Variants in LTF observed in about 807,000 individuals in gnomAD.
LTF encodes the protein lactotransferrin.
A neutral mutation model predicts 87.2 loss-of-function variants in LTF; 91 were observed. The ratio of observed to expected loss-of-function variants is 1.04; its 90% CI spans 0.88 to 1.24. LTF has a LOEUF of 1.24. LTF is among the 50% of genes most tolerant of loss of function. The pLI, the probability that LTF is intolerant of heterozygous loss-of-function variation, is 0.00. For synonymous variants in LTF, 378 were observed against 356.1 expected (o/e 1.06, Z -0.69); for missense variants, 901 against 904.3 (o/e 1.00, Z 0.05).
chr3:46,439,272 C>T (rs1193865730), intron 15 of LTF, 24 bp downstream of exon 15: 7 of 1,582,176 alleles, frequency 4.4e-6, no homozygotes, highest in Non-Finnish European at 6.0e-6. Context: ...GCTAAGAAAG[C>T]ACTAGAAGCC....
chr3:46,450,746 T>A, intron 6 of LTF, 73 bp from the exon 7 acceptor site: 1 of 1,290,410 alleles, frequency 7.7e-7, no homozygotes, highest in East Asian at 2.3e-5. Flanking sequence ...ATAGTTCCCC[T>A]TCTCCCTATA....
chr3:46,455,305 C>A lies in LTF; in HGVS notation c.637G>T (p.Gly213Cys). ...GACAGGGTCACTCACTTGAAGGCACCAGAGTAGCTGAAGTACGGTTCCTGG... is the reference window on the plus strand; with the variant it reads ...GACAGGGTCACTCACTTGAAGGCACAAGAGTAGCTGAAGTACGGTTCCTGG... ...SSQEPYFSYS[G>C]AFKCLRDGAG... The change falls in exon 5 of 17, where the codon GGT becomes TGT. Residue 213 changes from glycine (G) to cysteine (C), a missense_variant. Gly to Cys is a radical substitution (Grantham distance 159). Coordinates refer to ENST00000231751, the MANE Select transcript of LTF (RefSeq NM_002343.6). The A allele has an allele frequency of 6.2e-7, 1 of 1,614,242 alleles. No homozygotes were observed. Among genetic ancestry groups the A allele is most frequent in the Non-Finnish European group, 8.5e-7 (1 of 1,180,042 alleles).
chr3:46,458,827 G>A (rs1038213226), intron 2 of LTF, among the ~76,000 whole-genome samples: 3 of 152,160 alleles, frequency 2.0e-5, no homozygotes, highest in African/African-American at 7.2e-5. Flanking sequence ...CTCCCACCTC[G>A]GCCTCCAAAG....
At position 46,450,020 on chromosome 3, in the gene LTF, A is replaced by G. The variant is rs752576149; in HGVS notation, c.891T>C (p.Phe297=). The part of the protein sequence containing the change: ...WNLLRQAQEK[F]GKDKSPKFQL... Reference sequence around the variant, plus strand: ...GGAATTTCGGTGACTTGTCCTTTCCAAACTTTTCCTAATTAAGAAAAAATA... The same window carrying G: ...GGAATTTCGGTGACTTGTCCTTTCCGAACTTTTCCTAATTAAGAAAAAATA... The change falls in exon 8 of 17, where the codon TTT becomes TTC. Residue 297 remains phenylalanine, a synonymous_variant. Transcript: ENST00000231751. The G allele has an allele frequency of 2.7e-5, 42 of 1,584,800 alleles. No individual in the cohort carries two copies. The highest frequency in any genetic ancestry group is 3.4e-5 in the Non-Finnish European group (40 of 1,168,426).
Position 46,455,445 on chromosome 3 carries a change from G to A in LTF, c.500-3C>T. 1 of 1,614,234 alleles carries A rather than the reference G, an allele frequency of 6.2e-7. No homozygotes were observed. Among genetic ancestry groups the A allele is most frequent in the Non-Finnish European group, 8.5e-7 (1 of 1,180,018 alleles). ...GGCTGAGAAGAACCTGGCCACAGCT[G>A]TTAAACACAGAGAAGTGGACCACAG... is the stretch of plus-strand genomic sequence containing the variant. On this transcript the variant is annotated splice_polypyrimidine_tract_variant and splice_region_variant and intron_variant, in intron 4 of 16. Coordinates refer to ENST00000231751, the MANE Select transcript of LTF (RefSeq NM_002343.6).
intron 10 of LTF, 109 bp from the exon 11 acceptor site, chr3:46,446,602 G>T: frequency 2.4e-6 from 2 of 842,466 alleles, no homozygotes; most frequent in Non-Finnish European, 3.9e-6. Context: ...GACCGTCCCA[G>T]CAGTTCCATG....
chr3:46,461,099 A>G (rs1331917835), intron 1 of LTF, among the ~76,000 whole-genome samples: 1 of 152,280 alleles, frequency 6.6e-6, no homozygotes, highest in South Asian at 2.1e-4. Flanking sequence ...TGAAAATGCA[A>G]CGAAATATCA....
intron 13 of LTF, chr3:46,441,935 G>GTGTA (rs1702530258): frequency 2.8e-5 from 1 of 35,424 alleles, no homozygotes; most frequent in Non-Finnish European, 5.7e-5. Flanking sequence ...GAGAGAGAGA[G>GTGTA]TGTGTGTGTG....
chr3:46,465,565 G>A (rs1703192937), upstream of LTF, among the ~76,000 whole-genome samples: 1 of 151,358 alleles, frequency 6.6e-6, no homozygotes, highest in African/African-American at 2.4e-5. Flanking sequence ...ATTTGCCAAT[G>A]AGAAAGATGC....
chr3:46,465,858 G>C (rs566177912), upstream of LTF, among the ~76,000 whole-genome samples: 1 of 152,210 alleles, frequency 6.6e-6, no homozygotes, highest in Non-Finnish European at 1.5e-5. Context: ...TCCATCTCTA[G>C]GGGAGTGTCA....
At chr3:46,458,087 A>G (rs928056877) in intron 2 of LTF, among the ~76,000 whole-genome samples, 3 of 152,006 alleles carry the variant, frequency 2.0e-5, no homozygotes, top group African/African-American at 7.3e-5. Flanking sequence ...CCCGGCCTTG[A>G]GTTATTCTTT....
At chr3:46,449,115 C>A in intron 8 of LTF, 98 bp from the exon 9 acceptor site, 2 of 1,129,014 alleles carry the variant, frequency 1.8e-6, no homozygotes, top group Admixed American at 2.6e-5. Context: ...CTCCCTGGAA[C>A]AGGAGCTACA....
intron 1 of LTF, among the ~76,000 whole-genome samples, chr3:46,472,846 C>T (rs1214024891): frequency 2.0e-5 from 3 of 152,144 alleles, no homozygotes; most frequent in Non-Finnish European, 4.4e-5. Context: ...TTGAATCAAT[C>T]CTTCCTGCTT....
Position 46,456,383 on chromosome 3 carries a change from C to T in LTF, c.223G>A (p.Ala75Thr). 1.2e-6 allele frequency: 2 copies of T among 1,614,182 alleles called. No individual in the cohort carries two copies. The highest frequency in any genetic ancestry group is 1.7e-6 in the Non-Finnish European group (2 of 1,179,988). The change falls in exon 3 of 17, where the codon GCT (alanine) becomes ACT (threonine). Residue 75 changes from alanine (A) to threonine (T), a missense_variant. By Grantham distance (58) the Ala-to-Thr change is moderately conservative. Coordinates refer to ENST00000231751, the MANE Select transcript of LTF (RefSeq NM_002343.6). The part of the protein sequence containing the change: ...IQAIAENRAD[A>T]VTLDGGFIYE... ...ATGAAACCACCATCAAGGGTCACAG[C>T]ATCGGCCCTGTTTTCCTGAAAGTAA... is the stretch of plus-strand genomic sequence containing the variant.
chr3:46,472,074 C>G (rs139950130), intron 1 of LTF, among the ~76,000 whole-genome samples: 1 of 152,092 alleles, frequency 6.6e-6, no homozygotes, highest in African/African-American at 2.4e-5. Flanking sequence ...AGCGACCCTC[C>G]TCCCTTCTCA....
At chr3:46,455,566 T>C in intron 4 of LTF, 124 bp from the exon 5 acceptor site, 1 of 1,289,460 alleles carries the variant, frequency 7.8e-7, no homozygotes, top group Non-Finnish European at 1.1e-6. Flanking sequence ...AGAGACTCTG[T>C]CATGGGGCTG....
chr3:46,467,623 T>C (rs888812042), upstream of LTF, among the ~76,000 whole-genome samples: 1 of 150,818 alleles, frequency 6.6e-6, no homozygotes, highest in Non-Finnish European at 1.5e-5. Flanking sequence ...CAGGAATTCT[T>C]TTTTTCTTTT....
chr3:46,466,122 C>G (rs546042047), upstream of LTF, among the ~76,000 whole-genome samples: 16 of 152,058 alleles, frequency 1.1e-4, no homozygotes, highest in Non-Finnish European at 2.4e-4. Context: ...TGCCTATGGT[C>G]CCAGCTACTT....
At chr3:46,473,925 G>C (rs937137915) in intron 1 of LTF, among the ~76,000 whole-genome samples, 1 of 152,146 alleles carries the variant, frequency 6.6e-6, no homozygotes, top group Non-Finnish European at 1.5e-5. Flanking sequence ...TGTGTACTAA[G>C]TAATACCTAC....
Sources: allele counts gnomAD v4.1 joint callset (sites outside exome capture counted in the v4.1 genomes callset), GRCh38; gene constraint gnomAD v4.1.1; transcripts MANE v1.5; gene names NCBI Gene and HGNC (gene_info 2026-07-23, HGNC 2026-07-21).